Variants in ATP2B4 observed in about 807,000 individuals in gnomAD.
The protein encoded by ATP2B4 is ATPase plasma membrane Ca2+ transporting 4.
In ATP2B4, 39 loss-of-function variants were observed where a neutral mutation model predicts 110.3. The ratio of observed to expected loss-of-function variants is 0.35; its 90% CI spans 0.27 to 0.46. The LOEUF is 0.46. ATP2B4 is among the 20% of genes least tolerant of loss of function. The pLI, the probability that ATP2B4 is intolerant of heterozygous loss-of-function variation, is 1.00. For synonymous variants in ATP2B4, 538 were observed against 571.7 expected, an observed-to-expected ratio of 0.94 and a Z score of 0.84; for missense variants, 1,135 against 1,530.9, an observed-to-expected ratio of 0.74 and a Z score of 4.32.
rs777406643 is a variant in ATP2B4 at position 203,637,357 on chromosome 1, C to CG, written c.-465+10147dup. On this transcript the variant is annotated intron_variant, in intron 1 of 20. Coordinates refer to ENST00000357681, the MANE Select transcript of ATP2B4 (RefSeq NM_001684.5). The stretch of plus-strand genomic sequence containing the variant: ...GAGGCAGGAGAATGGCGTGAACCCC[C>CG]GGGGGGGGGCGGAGCCTGCAGTGAG... Among the ~76,000 whole-genome samples, 573 of 137,798 alleles carry CG rather than the reference C, an allele frequency of 4.2e-3. 3 individuals are homozygous for CG. In the East Asian group the frequency reaches 0.049, roughly 12 times the overall value. The allele number at this position is 137,798 out of a possible 152,430, so 90.4% of individuals were successfully genotyped here.
rs181738854 is a variant in ATP2B4 at position 203,741,953 on chromosome 1, A to C, written c.*2099A>C. 1.3e-5 allele frequency: 2 copies of C among 152,632 alleles called. No homozygotes were observed. Among genetic ancestry groups the C allele is most frequent in the South Asian group, 4.1e-4 (2 of 4,830 alleles). The allele number at this position is 152,632 out of a possible 1,614,324, so 9.5% of individuals were successfully genotyped here. On this transcript the variant is annotated 3_prime_UTR_variant, in exon 21 of 21. Coordinates refer to ENST00000357681, the MANE Select transcript of ATP2B4 (RefSeq NM_001684.5). ...AAGCCAATAACGAGCTTTGAAGGCTATTTTACCATTCCTGTTCACAAAAGG... is the reference window on the plus strand; with the variant it reads ...AAGCCAATAACGAGCTTTGAAGGCTCTTTTACCATTCCTGTTCACAAAAGG...
intron 1 of ATP2B4, among the ~76,000 whole-genome samples, chr1:203,675,472 T>A (rs1297250366): frequency 2.0e-5 from 3 of 152,074 alleles, no homozygotes; most frequent in Non-Finnish European, 4.4e-5. Flanking sequence ...AGGCCCTGGA[T>A]GAGGATTTCT....
chr1:203,638,125 G>A (rs1426698173), intron 1 of ATP2B4, among the ~76,000 whole-genome samples: 2 of 152,112 alleles, frequency 1.3e-5, no homozygotes, highest in African/African-American at 4.8e-5. Context: ...ATGGAGGAGG[G>A]GAGGGGAGAT....
At chr1:203,706,784 C>A (rs1370866094) in intron 8 of ATP2B4, among the ~76,000 whole-genome samples, 4 of 152,172 alleles carry the variant, frequency 2.6e-5, no homozygotes, top group Non-Finnish European at 5.9e-5. Flanking sequence ...CAAGTTAGTG[C>A]AGTGCTGAGA....
At chr1:203,733,478 A>C in intron 20 of ATP2B4, 2 of 1,336,906 alleles carry the variant, frequency 1.5e-6, no homozygotes, top group Non-Finnish European at 2.0e-6. Context: ...TTAACCAACC[A>C]TGGTTATCTT....
chr1:203,711,767 T>C (rs930885568), intron 12 of ATP2B4, among the ~76,000 whole-genome samples, 193 bp from the exon 13 acceptor site: 11 of 152,134 alleles, frequency 7.2e-5, no homozygotes, highest in Non-Finnish European at 1.5e-4. Context: ...CAAATTCAAA[T>C]GTGACTGCCG....
At chr1:203,645,905 T>C (rs184822293) in intron 1 of ATP2B4, among the ~76,000 whole-genome samples, 291 of 152,214 alleles carry the variant, frequency 1.9e-3, no homozygotes, top group African/African-American at 6.8e-3. Context: ...TGCCTTTTCA[T>C]AGGAACGTTG....
intron 1 of ATP2B4, among the ~76,000 whole-genome samples, chr1:203,638,236 C>T (rs1224141261): frequency 4.6e-5 from 7 of 152,116 alleles, no homozygotes; most frequent in Non-Finnish European, 1.0e-4. Context: ...TGATCCCACT[C>T]GCTGGAAGGC....
intron 1 of ATP2B4, among the ~76,000 whole-genome samples, chr1:203,635,373 A>T (rs769485303): frequency 2.0e-5 from 3 of 152,178 alleles, no homozygotes; most frequent in Non-Finnish European, 4.4e-5. Flanking sequence ...GGTTCAAGCA[A>T]TCCTCCGACC....
chr1:203,721,067 C>A (rs1378766256), intron 16 of ATP2B4, 130 bp from the exon 17 acceptor site: 2 of 960,520 alleles, frequency 2.1e-6, no homozygotes, highest in Non-Finnish European at 3.1e-6. Context: ...AAGTAGCTTT[C>A]TCACAGTCAC....
In ATP2B4 at chr1:203,709,336, G is replaced by A. The variant is rs955815345; in HGVS notation, c.1593G>A (p.Val531=). The A allele has an allele frequency of 1.9e-6, 3 of 1,614,158 alleles. No homozygotes were observed. Among genetic ancestry groups the A allele is most frequent in the Admixed American group, 1.7e-5 (1 of 60,034 alleles). ...AGGAGGGAGGCCTGCCTCGGCAGGT[G>A]GGCAACAAGACCGAGTGTGCTCTGC... is the stretch of plus-strand genomic sequence containing the variant. ...PEKEGGLPRQ[V]GNKTECALLG... The change falls in exon 11 of 21, where the codon GTG becomes GTA. Residue 531 remains valine (V), a synonymous_variant. Coordinates refer to ENST00000357681, the MANE Select transcript of ATP2B4 (RefSeq NM_001684.5).
intron 8 of ATP2B4, among the ~76,000 whole-genome samples, chr1:203,705,827 A>G (rs1665832811): frequency 6.6e-6 from 1 of 152,194 alleles, no homozygotes; most frequent in Admixed American, 6.5e-5. Context: ...GAGGCAAGTC[A>G]GATGCTTTCC....
rs907114960 is a variant in ATP2B4 at position 203,680,081 on chromosome 1, G to A, written c.-464-2661G>A. 7.1e-4 allele frequency among the ~76,000 whole-genome samples: 95 copies of A among 134,694 alleles called. 1 individual carries two copies. Among genetic ancestry groups the A allele is most frequent in the African/African-American group, 2.3e-3 (86 of 36,678 alleles). The allele number at this position is 134,694 out of a possible 152,430, so 88.4% of individuals were successfully genotyped here. ...TTCTCAAAAAAAAAAAAAAAAAAAA[G>A]GAAGGAATTCTGACTCAGACTGTCT... On this transcript the variant is annotated intron_variant, in intron 1 of 20. Coordinates refer to ENST00000357681, the MANE Select transcript of ATP2B4 (RefSeq NM_001684.5).
chr1:203,627,984 C>T lies in ATP2B4; in HGVS notation c.-465+765C>T, dbSNP rs544631655. ...TCCAGAACCAACTGTATGAGTGTCT[C>T]CGAGGGCACCGCCCCACACATCTCT... On this transcript the variant is annotated intron_variant, in intron 1 of 20. Transcript: ENST00000357681. Among the ~76,000 whole-genome samples the T allele has an allele frequency of 2.6e-5, 4 of 152,290 alleles. No homozygotes were observed. In the South Asian group the frequency reaches 8.3e-4, roughly 32 times the overall value.
At chr1:203,649,247 G>A (rs980689748) in intron 1 of ATP2B4, among the ~76,000 whole-genome samples, 3 of 152,128 alleles carry the variant, frequency 2.0e-5, no homozygotes, top group South Asian at 2.1e-4. Context: ...AGTTAAGTGC[G>A]AATGATGTGT....
chr1:203,717,697 A>G (rs1417744921), intron 15 of ATP2B4, among the ~76,000 whole-genome samples: 1 of 151,298 alleles, frequency 6.6e-6, no homozygotes, highest in Non-Finnish European at 1.5e-5. Flanking sequence ...GCTGGAGTGC[A>G]GTGGGGCAGT....
chr1:203,660,876 C>T (rs988783378), intron 1 of ATP2B4, among the ~76,000 whole-genome samples: 1 of 151,906 alleles, frequency 6.6e-6, no homozygotes. Flanking sequence ...TTTGGGAGGC[C>T]GAGGCAGGCG....
rs1665627626 is a variant in ATP2B4, at chr1:203,699,477, A to G, written c.409A>G (p.Thr137Ala). ...TGGGATAGTGTGTGGTCAAGTCGCA[A>G]CTACCCCAGAAGATGAAAATGAGGC... is the stretch of plus-strand genomic sequence containing the variant. The part of the protein sequence containing the change: ...EENELCGQVA[T>A]TPEDENEAQA... The change falls in exon 4 of 21, where the codon ACT becomes GCT. Residue 137 changes from threonine to alanine, a missense_variant. Thr to Ala is a moderately conservative substitution (Grantham distance 58). Around this residue, in one of 9 missense-constraint regions of ATP2B4, gnomAD observed 101 missense variants for 182.6 expected, o/e 0.55. Transcript: ENST00000357681. 1.9e-6 allele frequency: 3 copies of G among 1,614,160 alleles called. No individual in the cohort carries two copies. The highest frequency in any genetic ancestry group is 1.3e-5 in the African/African-American group (1 of 75,024).
Position 203,700,329 on chromosome 1 carries a change from C to G in ATP2B4, c.773C>G (p.Ser258Ter). The change falls in exon 5 of 21, where the codon TCA (serine) becomes TGA (stop). Residue 258 changes from serine to a stop codon, truncating the protein, a stop_gained and splice_region_variant. Coordinates refer to ENST00000357681, the MANE Select transcript of ATP2B4 (RefSeq NM_001684.5). LOFTEE classifies it high-confidence loss of function. ...KSLDKDPMLL[S>*]GTHVMEGSGR... Reference sequence around the variant, plus strand: ...CTGGACAAAGACCCCATGTTGCTCTCAGGTATAGGCCCTGGCTGCCCAAGT... The same window carrying G: ...CTGGACAAAGACCCCATGTTGCTCTGAGGTATAGGCCCTGGCTGCCCAAGT... The G allele has an allele frequency of 1.2e-6, 2 of 1,611,496 alleles. No homozygotes were observed. Among genetic ancestry groups the G allele is most frequent in the Non-Finnish European group, 1.7e-6 (2 of 1,178,734 alleles).
Sources: allele counts gnomAD v4.1 joint callset (sites outside exome capture counted in the v4.1 genomes callset), GRCh38; gene constraint gnomAD v4.1.1; regional missense constraint gnomAD v4.1.1; transcripts MANE v1.5; gene names NCBI Gene and HGNC (gene_info 2026-07-23, HGNC 2026-07-21).